The following ROBO1 variants were observed in gnomAD, a reference collection of about 807,000 sequenced individuals.
ROBO1 encodes the protein roundabout guidance receptor 1.
In ROBO1, 149 loss-of-function variants were observed where a neutral mutation model predicts 195.9. The ratio of observed to expected loss-of-function variants is 0.76; its 90% confidence interval spans 0.67 to 0.87. ROBO1 has a LOEUF of 0.87. ROBO1 is among the 40% of genes least tolerant of loss of function. The pLI is 0.00. For missense variants in ROBO1, 1,933 were observed against 2,068.3 expected (o/e 0.93, Z 1.27); for synonymous variants, 816 against 733.2 (o/e 1.11, Z -1.82).
intron 25 of ROBO1, among the ~76,000 whole-genome samples, chr3:78,630,889 G>A (rs368835901): frequency 9.9e-5 from 15 of 152,150 alleles, no homozygotes; most frequent in South Asian, 2.1e-4. Flanking sequence ...GTTAAATTAC[G>A]TATACACACA....
chr3:78,933,940 G>A (rs2039665557), intron 4 of ROBO1, among the ~76,000 whole-genome samples: 3 of 151,918 alleles, frequency 2.0e-5, no homozygotes, highest in Admixed American at 2.0e-4. Flanking sequence ...ATATACTTAA[G>A]TATATTGTTT....
intron 4 of ROBO1, among the ~76,000 whole-genome samples, chr3:78,788,236 C>T (rs950746280): frequency 6.6e-6 from 1 of 151,698 alleles, no homozygotes; most frequent in Non-Finnish European, 1.5e-5. Context: ...CTGCCTCAGC[C>T]TCCCGAGTAG....
chr3:78,710,489 G>A (rs967218723), intron 8 of ROBO1, among the ~76,000 whole-genome samples: 3 of 152,048 alleles, frequency 2.0e-5, no homozygotes, highest in African/African-American at 7.2e-5. Context: ...AATAATTATT[G>A]AAATTAAGCA....
Position 78,927,553 on chromosome 3 carries a change from A to G in ROBO1, c.499+11048T>C, listed in dbSNP as rs556226852. On this transcript the variant is annotated intron_variant, in intron 4 of 30. Coordinates refer to ENST00000464233, the MANE Select transcript of ROBO1 (RefSeq NM_002941.4). ...TTTTAGAGACTGAAGTCTTACAGAA[A>G]AGAGGTATGTTTAAAAGTCTTTTTA... Among the ~76,000 whole-genome samples, 6 of 152,310 alleles carry G rather than the reference A, an allele frequency of 3.9e-5. 1 individual carries two copies. In the South Asian group the frequency reaches 6.2e-4, roughly 16 times the overall value.
intron 2 of ROBO1, among the ~76,000 whole-genome samples, chr3:79,199,392 T>C (rs2081716682): frequency 6.6e-6 from 1 of 151,818 alleles, no homozygotes; most frequent in Non-Finnish European, 1.5e-5. Flanking sequence ...TTTTTAATCA[T>C]TGTAACCACT....
intron 3 of ROBO1, among the ~76,000 whole-genome samples, chr3:78,997,951 G>A (rs2077408093): frequency 6.6e-6 from 1 of 152,144 alleles, no homozygotes; most frequent in Non-Finnish European, 1.5e-5. Context: ...GTGTAAACAT[G>A]AATGAATTTC....
At position 79,718,991 on chromosome 3, in the gene ROBO1, C is replaced by T. The variant is rs143715883; in HGVS notation, c.-51+48761G>A. 1.6e-4 allele frequency among the ~76,000 whole-genome samples: 24 copies of T among 152,028 alleles called. No homozygotes were observed. The East Asian group carries it at 3.1e-3, about 20-fold the overall frequency. The stretch of plus-strand genomic sequence containing the variant: ...ATCTGTAGAGAAAGAGTATTAATAG[C>T]CACTGCAGCAAGCATAAATAAGAAT... On this transcript the variant is annotated intron_variant, in intron 1 of 30. Transcript: ENST00000464233.
intron 1 of ROBO1, among the ~76,000 whole-genome samples, chr3:79,706,506 T>C (rs1271616711): frequency 6.6e-6 from 1 of 152,110 alleles, no homozygotes; most frequent in Non-Finnish European, 1.5e-5. Flanking sequence ...TATTTTGTAA[T>C]AGATATGGTT....
At chr3:78,922,975 T>C (rs1365139177) in intron 4 of ROBO1, among the ~76,000 whole-genome samples, 2 of 152,136 alleles carry the variant, frequency 1.3e-5, no homozygotes, top group Non-Finnish European at 2.9e-5. Flanking sequence ...TCTAAGGACA[T>C]CATTGACTAT....
chr3:79,575,237 A>AAT (rs1157869083), intron 2 of ROBO1, among the ~76,000 whole-genome samples: 4 of 72,408 alleles, frequency 5.5e-5, no homozygotes, highest in Non-Finnish European at 1.1e-4. Flanking sequence ...AATATATATA[A>AAT]ATATATATAA....
intron 3 of ROBO1, among the ~76,000 whole-genome samples, chr3:79,068,969 A>G (rs1242344079): frequency 1.3e-5 from 2 of 151,640 alleles, no homozygotes; most frequent in Non-Finnish European, 2.9e-5. Flanking sequence ...CTCTCCATGC[A>G]CTTTTCTTTT....
intron 1 of ROBO1, among the ~76,000 whole-genome samples, chr3:79,605,543 A>T (rs2107888460): frequency 6.6e-6 from 1 of 152,008 alleles, no homozygotes. Context: ...TTTCTTCTCC[A>T]GTCTTTCCCA....
At chr3:78,637,974 G>C (rs1300564334) in intron 22 of ROBO1, among the ~76,000 whole-genome samples, 2 of 139,368 alleles carry the variant, frequency 1.4e-5, no homozygotes, top group African/African-American at 3.0e-5. Flanking sequence ...GGCAATATTG[G>C]GTTTTTTTTT....
intron 1 of ROBO1, among the ~76,000 whole-genome samples, chr3:79,640,184 A>C (rs1355955124): frequency 6.6e-6 from 1 of 152,128 alleles, no homozygotes; most frequent in Non-Finnish European, 1.5e-5. Flanking sequence ...ATTTGAGTTG[A>C]AGCTACCTAT....
At chr3:79,171,190 A>G (rs564090898) in intron 2 of ROBO1, among the ~76,000 whole-genome samples, 1 of 150,170 alleles carries the variant, frequency 6.7e-6, no homozygotes, top group Non-Finnish European at 1.5e-5. Context: ...TTATAAATTA[A>G]TAATTACACA....
chr3:79,118,945 C>T (rs2080064411), intron 3 of ROBO1, among the ~76,000 whole-genome samples: 1 of 151,840 alleles, frequency 6.6e-6, no homozygotes, highest in East Asian at 1.9e-4. Context: ...AATTTTCTAT[C>T]AAAATCAAGA....
chr3:78,688,746 G>A lies in ROBO1; in HGVS notation c.1072C>T (p.Arg358Cys), dbSNP rs748988548. 1.1e-5 allele frequency: 17 copies of A among 1,608,950 alleles called. No individual in the cohort carries two copies. The highest frequency in any genetic ancestry group is 4.5e-5 in the South Asian group (4 of 89,780). The stretch of plus-strand genomic sequence containing the variant: ...CGTCCCAAAGCAACAACCTGGTCAC[G>A]GGGTTTCACAACAAAATGTGGAGGT... ...QEPPHFVVKP[R>C]DQVVALGRTV... The change falls in exon 9 of 31, where the codon CGT becomes TGT. Residue 358 changes from arginine to cysteine, a missense_variant. This residue lies in a region of ROBO1 where 1,737 missense variants were observed against 1,882.5 expected (regional missense o/e 0.92). Transcript: ENST00000464233.
rs1049674075 is a variant in ROBO1 at position 78,618,025 on chromosome 3, G to T, written c.3892C>A (p.Pro1298Thr). 1 of 1,612,514 alleles carries T rather than the reference G, an allele frequency of 6.2e-7. No individual in the cohort carries two copies. Among genetic ancestry groups the T allele is most frequent in the Non-Finnish European group, 8.5e-7 (1 of 1,179,058 alleles). ...QPDRRRQPVS[P>T]PPPPRPISPP... ...GAGATCGGCCGTGGTGGTGGAGGAG[G>T]ACTCACAGGCTGCCGTCTGTATGAA... Residue 1298 changes from proline (P) to threonine (T), a missense_variant, in exon 27 of 31, where the codon CCT becomes ACT. Around this residue, in one of 3 missense-constraint regions of ROBO1, gnomAD observed 1,737 missense variants for 1,882.5 expected, o/e 0.92. Coordinates refer to ENST00000464233, the MANE Select transcript of ROBO1 (RefSeq NM_002941.4).
chr3:78,707,371 C>T (rs1006554140), intron 8 of ROBO1, among the ~76,000 whole-genome samples: 4 of 152,100 alleles, frequency 2.6e-5, no homozygotes, highest in Non-Finnish European at 5.9e-5. Flanking sequence ...TCAGTCCTAA[C>T]GAGAAAGTAT....
Sources: gnomAD v4.1 joint callset for allele counts (sites outside exome capture counted in the v4.1 genomes callset) on GRCh38, gnomAD v4.1.1 for gene constraint, gnomAD v4.1.1 regional missense constraint, MANE v1.5 for transcripts, NCBI Gene and HGNC (gene_info 2026-07-23, HGNC 2026-07-21) for gene names.